The following PPP1R37 variants were observed in gnomAD, a reference collection of about 807,000 sequenced individuals.
PPP1R37 encodes the protein leucine rich repeat containing 68.
A neutral mutation model predicts 61.0 loss-of-function variants in PPP1R37; 21 were observed. That is an observed-to-expected ratio of 0.34 (90% CI 0.24 to 0.50). PPP1R37 has a LOEUF of 0.50. Ranked by LOEUF, PPP1R37 falls within the 20% of genes least tolerant of loss-of-function variation. The pLI, the probability that PPP1R37 is intolerant of heterozygous loss-of-function variation, is 0.98. For missense variants in PPP1R37, 910 were observed against 952.7 expected, an observed-to-expected ratio of 0.96 and a Z score of 0.59; for synonymous variants, 443 against 433.5, an observed-to-expected ratio of 1.02 and a Z score of -0.27.
intron 1 of PPP1R37, among the ~76,000 whole-genome samples, chr19:45,119,155 A>ATT (rs746814304): frequency 5.2e-5 from 7 of 133,698 alleles, no homozygotes; most frequent in East Asian, 2.1e-4. Context: ...CACCCGTCTA[A>ATT]TTTTTTTTTT....
At chr19:45,120,915 C>G (rs1022265765) in intron 1 of PPP1R37, among the ~76,000 whole-genome samples, 2 of 152,176 alleles carry the variant, frequency 1.3e-5, no homozygotes, top group African/African-American at 4.8e-5. Flanking sequence ...CCACTGTGCC[C>G]CGCACATTTG....
intron 1 of PPP1R37, among the ~76,000 whole-genome samples, chr19:45,101,476 A>G (rs950421440): frequency 3.9e-5 from 6 of 152,186 alleles, no homozygotes; most frequent in Non-Finnish European, 8.8e-5. Flanking sequence ...CCAGCACTTC[A>G]GGAGCTCCAG....
At chr19:45,098,525 G>T (rs2122705890) in intron 1 of PPP1R37, among the ~76,000 whole-genome samples, 1 of 152,302 alleles carries the variant, frequency 6.6e-6, no homozygotes, top group Middle Eastern at 3.4e-3. Context: ...TGTGCGTTGG[G>T]GGTTTGCCCA....
Position 45,145,595 on chromosome 19 carries a change from G to T in PPP1R37, c.1539G>T (p.Gly513=). The T allele has an allele frequency of 6.5e-7, 1 of 1,535,640 alleles. No homozygotes were observed. The change falls in exon 11 of 13, where the codon GGG becomes GGT. Residue 513 remains glycine, a synonymous_variant. Transcript: ENST00000221462. ...CAGACTCAGACTCGGACTCGGATGGGGAGGAAGAGGAGGAAGAGGAAGGGG... is the reference window on the plus strand; with the variant it reads ...CAGACTCAGACTCGGACTCGGATGGTGAGGAAGAGGAGGAAGAGGAAGGGG... The part of the protein sequence containing the change: ...PDSDSDSDSD[G]EEEEEEEGER...
At chr19:45,141,215 C>G in intron 4 of PPP1R37, 107 bp from the exon 5 acceptor site, 10 of 1,315,844 alleles carry the variant, frequency 7.6e-6, no homozygotes, top group Non-Finnish European at 1.0e-5. Context: ...GTGGCTCTCT[C>G]CAGACCCTGG....
Position 45,145,645 on chromosome 19 carries a change from C to A in PPP1R37, c.1589C>A (p.Ala530Asp). ...GAGAGGGACGAGACCCCCTGTCCTG[C>A]CCTGGTGCCCCCCACGGACTCCCTG... is the stretch of plus-strand genomic sequence containing the variant. ...EGERDETPCP[A>D]LVPPTDSLGP... The change falls in exon 11 of 13, where the codon GCC (alanine) becomes GAC (aspartate). Residue 530 changes from alanine to aspartate, a missense_variant. This residue lies in a region of PPP1R37 where 549 missense variants were observed against 505.1 expected (regional missense o/e 1.09). Coordinates refer to ENST00000221462, the MANE Select transcript of PPP1R37 (RefSeq NM_019121.2). 6.5e-7 allele frequency: 1 copy of A among 1,535,656 alleles called. No homozygotes were observed. The highest frequency in any genetic ancestry group is 8.7e-7 in the Non-Finnish European group (1 of 1,146,628).
intron 7 of PPP1R37, chr19:45,142,682 A>G (rs1730097308): frequency 1.8e-6 from 1 of 555,878 alleles, no homozygotes; most frequent in Admixed American, 3.3e-5. Flanking sequence ...TCTGGGGGCC[A>G]GGGAGGGCTT....
chr19:45,093,394 T>G lies in PPP1R37; in HGVS notation c.69T>G (p.Ala23=). The change falls in exon 1 of 13, where the codon GCT becomes GCG. Residue 23 remains alanine (A), a synonymous_variant. Coordinates refer to ENST00000221462, the MANE Select transcript of PPP1R37 (RefSeq NM_019121.2). ...GADGDIEEAP[A]EAGSPSPASP... ...ACGGCGACATTGAAGAGGCCCCAGC[T>G]GAGGCCGGGTCTCCCAGCCCCGCGT... is the stretch of plus-strand genomic sequence containing the variant. 6.5e-7 allele frequency: 1 copy of G among 1,532,976 alleles called. No individual in the cohort carries two copies. Among genetic ancestry groups the G allele is most frequent in the Non-Finnish European group, 8.7e-7 (1 of 1,145,482 alleles). The allele number at this position is 1,532,976 out of a possible 1,614,324, so 95.0% of individuals were successfully genotyped here. A position where few individuals can be genotyped will look rare whatever the true frequency, so the allele number is the denominator to read the frequency against.
At chr19:45,146,532 T>A in intron 12 of PPP1R37, 39 bp from the exon 13 acceptor site, 9 of 1,293,484 alleles carry the variant, frequency 7.0e-6, no homozygotes, top group Non-Finnish European at 9.7e-6. Flanking sequence ...AGAGAGCCTC[T>A]GGCTCTGACA....
In PPP1R37 at chr19:45,145,601, A is replaced by G. The variant is rs1392699517; in HGVS notation, c.1545A>G (p.Glu515=). The G allele has an allele frequency of 1.3e-6, 2 of 1,535,604 alleles. No individual in the cohort carries two copies. The highest frequency in any genetic ancestry group is 2.0e-5 in the Admixed American group (1 of 50,992). ...SDSDSDSDGE[E]EEEEEGERDE... ...CAGACTCGGACTCGGATGGGGAGGA[A>G]GAGGAGGAAGAGGAAGGGGAGAGGG... Residue 515 remains glutamate (E), a synonymous_variant, in exon 11 of 13, where the codon GAA becomes GAG. Coordinates refer to ENST00000221462, the MANE Select transcript of PPP1R37 (RefSeq NM_019121.2).
rs1462165850 is a variant in PPP1R37 at position 45,093,353 on chromosome 19, C to T, written c.28C>T (p.Pro10Ser). The change falls in exon 1 of 13, where the codon CCC becomes TCC. Residue 10 changes from proline to serine, a missense_variant. This residue lies in a region of PPP1R37 where 81 missense variants were observed against 65.4 expected (regional missense o/e 1.24). Transcript: ENST00000221462. MEIAPQEAPPVPGADGDIEE... is the reference protein window; with the variant it reads MEIAPQEAPSVPGADGDIEE... Reference sequence around the variant, plus strand: ...GGAGATCGCGCCGCAGGAGGCGCCGCCCGTGCCGGGCGCGGACGGCGACAT... The same window carrying T: ...GGAGATCGCGCCGCAGGAGGCGCCGTCCGTGCCGGGCGCGGACGGCGACAT... 28 of 1,504,964 alleles carry T rather than the reference C, an allele frequency of 1.9e-5. No individual in the cohort carries two copies. Among genetic ancestry groups the T allele is most frequent in the Non-Finnish European group, 2.5e-5 (28 of 1,130,454 alleles). The allele number at this position is 1,504,964 out of a possible 1,614,324, so 93.2% of individuals were successfully genotyped here.
chr19:45,140,900 G>T (rs888969856), intron 4 of PPP1R37, among the ~76,000 whole-genome samples: 3 of 152,144 alleles, frequency 2.0e-5, no homozygotes, highest in Non-Finnish European at 4.4e-5. Context: ...CACGCTGGAG[G>T]GTCCAGCTCC....
chr19:45,106,131 C>T (rs914887780), intron 1 of PPP1R37, among the ~76,000 whole-genome samples: 16 of 152,224 alleles, frequency 1.1e-4, no homozygotes, highest in African/African-American at 3.9e-4. Context: ...TTCCTCATCT[C>T]AGGGGTAGAG....
At chr19:45,101,522 A>G (rs1968062548) in intron 1 of PPP1R37, among the ~76,000 whole-genome samples, 1 of 152,222 alleles carries the variant, frequency 6.6e-6, no homozygotes. Context: ...GTTTAAGACC[A>G]GCCTTGGCAA....
chr19:45,095,635 C>T (rs949998625), intron 1 of PPP1R37, among the ~76,000 whole-genome samples: 5 of 151,778 alleles, frequency 3.3e-5, no homozygotes, highest in East Asian at 2.0e-4. Flanking sequence ...TGGTGGTGCA[C>T]GCCTGTAGTC....
intron 1 of PPP1R37, among the ~76,000 whole-genome samples, chr19:45,120,278 A>G (rs891181245): frequency 4.6e-5 from 7 of 152,116 alleles, no homozygotes; most frequent in African/African-American, 1.7e-4. Context: ...TAGCCTCCCA[A>G]AGTGCTGGGA....
chr19:45,146,861 G>C lies in PPP1R37; in HGVS notation c.*299G>C, dbSNP rs1968709926. 4.9e-6 allele frequency: 1 copy of C among 202,828 alleles called. No homozygotes were observed. The highest frequency in any genetic ancestry group is 1.0e-5 in the Non-Finnish European group (1 of 97,758). 12.6% of individuals were successfully genotyped at this position (202,828 alleles called of 1,614,324 possible). ...CCAAGGACATCAGGCGCCTGTTCTG[G>C]AGGGGCCAGGCTTGCCCTGCGGAGG... On this transcript the variant is annotated 3_prime_UTR_variant, in exon 13 of 13. Coordinates refer to ENST00000221462, the MANE Select transcript of PPP1R37 (RefSeq NM_019121.2).
chr19:45,101,782 G>C (rs1005783150), intron 1 of PPP1R37, among the ~76,000 whole-genome samples: 1 of 152,202 alleles, frequency 6.6e-6, no homozygotes, highest in South Asian at 2.1e-4. Flanking sequence ...GACATGAATA[G>C]GGTGAGACTG....
At chr19:45,098,918 G>A (rs756395261) in intron 1 of PPP1R37, among the ~76,000 whole-genome samples, 18 of 152,234 alleles carry the variant, frequency 1.2e-4, no homozygotes, top group East Asian at 1.9e-4. Flanking sequence ...GCTGGAGTTG[G>A]CAAGTAGACC....
Sources: gnomAD v4.1 joint callset for allele counts (sites outside exome capture counted in the v4.1 genomes callset) on GRCh38, gnomAD v4.1.1 for gene constraint, gnomAD v4.1.1 regional missense constraint, MANE v1.5 for transcripts, NCBI Gene and HGNC (gene_info 2026-07-23, HGNC 2026-07-21) for gene names.